Variants in CDH12 observed in about 807,000 individuals in gnomAD.
The protein encoded by CDH12 is cadherin-12.
Under a neutral mutation model 74.1 loss-of-function variants are expected in CDH12, and 41 were observed. The observed-to-expected ratio is 0.55, with a 90% CI of 0.43 to 0.72. The LOEUF (loss-of-function observed/expected upper bound fraction) is 0.72, where lower values mean the gene tolerates loss of function less well. CDH12 is among the 30% of genes least tolerant of loss of function. The pLI, the probability that CDH12 is intolerant of heterozygous loss-of-function variation, is 0.00. For synonymous variants in CDH12, 399 were observed against 355.0 expected (o/e 1.12, Z -1.39); for missense variants, 945 against 977.2 (o/e 0.97, Z 0.44).
chr5:21,825,390 T>A (rs1397403517), intron 8 of CDH12, among the ~76,000 whole-genome samples: 1 of 152,126 alleles, frequency 6.6e-6, no homozygotes, highest in East Asian at 1.9e-4. Context: ...CTTCTTAAAC[T>A]CCAACAATTT....
intron 2 of CDH12, among the ~76,000 whole-genome samples, chr5:22,432,502 T>A (rs2126523227): frequency 6.6e-6 from 1 of 152,260 alleles, no homozygotes; most frequent in Non-Finnish European, 1.5e-5. Flanking sequence ...AAAACTATGC[T>A]GTATATATTT....
At chr5:22,479,329 T>C (rs1052044729) in intron 2 of CDH12, among the ~76,000 whole-genome samples, 2 of 152,244 alleles carry the variant, frequency 1.3e-5, no homozygotes, top group African/African-American at 2.4e-5. Context: ...AAGCATTTAC[T>C]TGTCTGCTAC....
chr5:22,131,487 A>G (rs1452846664), intron 4 of CDH12, among the ~76,000 whole-genome samples: 1 of 152,108 alleles, frequency 6.6e-6, no homozygotes, highest in African/African-American at 2.4e-5. Flanking sequence ...GCCTATCGAA[A>G]AATGCTCTTA....
In CDH12 at chr5:22,312,949, C is replaced by T. The variant is rs1738455597; in HGVS notation, c.-333+92308G>A. Among the ~76,000 whole-genome samples, 2 of 152,188 alleles carry T rather than the reference C, an allele frequency of 1.3e-5. 1 individual carries two copies. The highest frequency in any genetic ancestry group is 4.1e-4 in the South Asian group (2 of 4,824). On this transcript the variant is annotated intron_variant, in intron 3 of 14. Transcript: ENST00000382254. ...AGCTTTTCCCCTTTGTGTATTCCAT[C>T]TCTTAGGACAATGTTTAACAGCACG...
chr5:22,656,138 T>C (rs1740020954), intron 1 of CDH12, among the ~76,000 whole-genome samples: 1 of 152,196 alleles, frequency 6.6e-6, no homozygotes, highest in Non-Finnish European at 1.5e-5. Context: ...ATGGCTCTTT[T>C]AGATTTTATG....
rs140206250 is a variant in CDH12, at chr5:22,419,297, T to A, written c.-427-13946A>T. Among the ~76,000 whole-genome samples, 584 of 152,204 alleles carry A rather than the reference T, an allele frequency of 3.8e-3. 3 individuals are homozygous for A. The highest frequency in any genetic ancestry group is 4.7e-3 in the Non-Finnish European group (323 of 68,004). On this transcript the variant is annotated intron_variant, in intron 2 of 14. Transcript: ENST00000382254. Reference sequence around the variant, plus strand: ...ATGCATTAGCTATTTGTCTTGATGATCTCCCTTCCCCTGCACCCCCTGACA... The same window carrying A: ...ATGCATTAGCTATTTGTCTTGATGAACTCCCTTCCCCTGCACCCCCTGACA...
At chr5:22,263,670 G>C (rs1424193898) in intron 3 of CDH12, among the ~76,000 whole-genome samples, 1 of 151,974 alleles carries the variant, frequency 6.6e-6, no homozygotes, top group Non-Finnish European at 1.5e-5. Context: ...AAACTTCATA[G>C]TGTTTATATA....
At chr5:22,153,611 A>G (rs2150311956) in intron 4 of CDH12, among the ~76,000 whole-genome samples, 1 of 151,304 alleles carries the variant, frequency 6.6e-6, no homozygotes, top group Admixed American at 6.7e-5. Flanking sequence ...CTTTATCTGT[A>G]AAGTGGGAGT....
At chr5:21,950,108 T>C (rs183586337) in intron 6 of CDH12, among the ~76,000 whole-genome samples, 64 of 152,246 alleles carry the variant, frequency 4.2e-4, no homozygotes, top group African/African-American at 1.5e-3. Flanking sequence ...TATGTTTAGA[T>C]ACACAAATAT....
At chr5:22,782,524 C>A (rs1377033803) in intron 1 of CDH12, among the ~76,000 whole-genome samples, 3 of 152,092 alleles carry the variant, frequency 2.0e-5, no homozygotes, top group Non-Finnish European at 4.4e-5. Flanking sequence ...CCCAGCCATG[C>A]AAAACTGTGA....
rs548096851 is a variant in CDH12, at chr5:22,377,131, C to T, written c.-333+28126G>A. 1.1e-4 allele frequency among the ~76,000 whole-genome samples: 16 copies of T among 152,166 alleles called. No individual in the cohort carries two copies. In the East Asian group the frequency reaches 1.9e-3, roughly 18 times the overall value. On this transcript the variant is annotated intron_variant, in intron 3 of 14. Coordinates refer to ENST00000382254, the MANE Select transcript of CDH12 (RefSeq NM_004061.5). ...GTATGATGTGCCCCCAGAGTGAACACGTGGGTTTCCATTTTGGCTCATACA... is the reference window on the plus strand; with the variant it reads ...GTATGATGTGCCCCCAGAGTGAACATGTGGGTTTCCATTTTGGCTCATACA...
intron 1 of CDH12, among the ~76,000 whole-genome samples, chr5:22,761,486 T>C (rs142628239): frequency 6.6e-6 from 1 of 152,270 alleles, no homozygotes; most frequent in Non-Finnish European, 1.5e-5. Flanking sequence ...TTATCCACAA[T>C]ATTAAGTGCT....
chr5:22,624,057 A>T (rs1187173486), intron 1 of CDH12, among the ~76,000 whole-genome samples: 1 of 152,196 alleles, frequency 6.6e-6, no homozygotes, highest in Non-Finnish European at 1.5e-5. Context: ...AAAACCAAGA[A>T]ATGGGGAAAG....
chr5:22,357,620 G>T (rs553970002), intron 3 of CDH12, among the ~76,000 whole-genome samples: 4 of 152,050 alleles, frequency 2.6e-5, no homozygotes, highest in Non-Finnish European at 4.4e-5. Context: ...TAAGTAAAAC[G>T]CATTGGATTG....
At chr5:22,704,533 G>A (rs1239948272) in intron 1 of CDH12, among the ~76,000 whole-genome samples, 2 of 152,054 alleles carry the variant, frequency 1.3e-5, no homozygotes, top group African/African-American at 4.8e-5. Flanking sequence ...CTGGGAAATA[G>A]TAAACTTTAC....
chr5:22,055,016 A>AT (rs552184010), intron 5 of CDH12, among the ~76,000 whole-genome samples: 1 of 152,328 alleles, frequency 6.6e-6, no homozygotes, highest in South Asian at 2.1e-4. Context: ...CACTTTAAAA[A>AT]TACAAATGGA....
intron 4 of CDH12, among the ~76,000 whole-genome samples, chr5:22,204,355 G>A (rs528622076): frequency 7.9e-4 from 120 of 152,118 alleles, no homozygotes; most frequent in Non-Finnish European, 1.5e-3. Context: ...AGAGACGGGG[G>A]TTTCACCGTG....
At chr5:21,879,872 G>T (rs151317768) in intron 6 of CDH12, among the ~76,000 whole-genome samples, 2 of 152,242 alleles carry the variant, frequency 1.3e-5, no homozygotes, top group Admixed American at 6.5e-5. Context: ...AAGAGGATTC[G>T]GAATATTAAA....
At chr5:21,803,192 A>G (rs1747236038) in intron 9 of CDH12, among the ~76,000 whole-genome samples, 2 of 152,200 alleles carry the variant, frequency 1.3e-5, no homozygotes, top group Non-Finnish European at 2.9e-5. Context: ...AAGTGGTCCC[A>G]TGAAAACTCC....
Sources: gnomAD v4.1 joint callset for allele counts (sites outside exome capture counted in the v4.1 genomes callset) on GRCh38, gnomAD v4.1.1 for gene constraint, MANE v1.5 for transcripts, NCBI Gene and HGNC (gene_info 2026-07-23, HGNC 2026-07-21) for gene names.